GPC6: variants seen among roughly 807,000 people sequenced by gnomAD.
The protein encoded by GPC6 is glypican 6.
A neutral mutation model predicts 55.2 loss-of-function variants in GPC6; 14 were observed. The ratio of observed to expected loss-of-function variants is 0.25; its 90% CI spans 0.17 to 0.40. The LOEUF is 0.40. GPC6 is among the 10% of genes least tolerant of loss of function. The pLI, the probability that GPC6 is intolerant of heterozygous loss-of-function variation, is 1.00. For synonymous variants in GPC6, 278 were observed against 259.6 expected (o/e 1.07, Z -0.68); for missense variants, 641 against 708.5 (o/e 0.90, Z 1.08).
At chr13:93,585,130 G>T (rs1386867697) in intron 2 of GPC6, among the ~76,000 whole-genome samples, 1 of 152,198 alleles carries the variant, frequency 6.6e-6, no homozygotes, top group African/African-American at 2.4e-5. Context: ...ACATTTTCTT[G>T]TTGTGACAAC....
At chr13:93,651,160 C>A (rs1880391170) in intron 2 of GPC6, among the ~76,000 whole-genome samples, 1 of 151,920 alleles carries the variant, frequency 6.6e-6, no homozygotes, top group Admixed American at 6.6e-5. Flanking sequence ...AGATGAAATA[C>A]TTTAAAAATG....
chr13:94,212,437 ATAT>A (rs1384722026), intron 4 of GPC6, among the ~76,000 whole-genome samples: 1 of 152,142 alleles, frequency 6.6e-6, no homozygotes, highest in African/African-American at 2.4e-5. Context: ...CCACATACAA[ATAT>A]TATTATCATC....
chr13:93,402,283 C>A (rs924788478), intron 1 of GPC6, among the ~76,000 whole-genome samples: 8 of 152,132 alleles, frequency 5.3e-5, no homozygotes, highest in African/African-American at 1.7e-4. Flanking sequence ...CTAATTAATT[C>A]TCCAAGTGCC....
At chr13:93,399,249 G>C (rs980970447) in intron 1 of GPC6, among the ~76,000 whole-genome samples, 1 of 152,342 alleles carries the variant, frequency 6.6e-6, no homozygotes, top group Non-Finnish European at 1.5e-5. Context: ...AGAAGGGCTT[G>C]TGCATCTTCT....
At chr13:94,316,321 C>A (rs1029964117) in intron 6 of GPC6, among the ~76,000 whole-genome samples, 1 of 152,170 alleles carries the variant, frequency 6.6e-6, no homozygotes, top group African/African-American at 2.4e-5. Context: ...TGAGTTCAAT[C>A]ATCATTCAAC....
intron 1 of GPC6, among the ~76,000 whole-genome samples, chr13:93,296,247 A>T (rs1878492855): frequency 6.6e-6 from 1 of 152,280 alleles, no homozygotes; most frequent in Middle Eastern, 3.4e-3. Context: ...GATGTAGTCT[A>T]GTATATTCTA....
chr13:93,515,719 G>T (rs1287895833), intron 1 of GPC6, among the ~76,000 whole-genome samples: 1 of 152,102 alleles, frequency 6.6e-6, no homozygotes, highest in African/African-American at 2.4e-5. Flanking sequence ...ACTGACTAGT[G>T]ACGTATCATG....
intron 2 of GPC6, among the ~76,000 whole-genome samples, chr13:93,780,801 A>G (rs1285408201): frequency 2.6e-5 from 4 of 152,106 alleles, no homozygotes; most frequent in African/African-American, 9.7e-5. Flanking sequence ...CTTCATATTT[A>G]TGCTTCCTGT....
At chr13:93,839,407 G>T (rs762492761) in intron 3 of GPC6, among the ~76,000 whole-genome samples, 2 of 152,072 alleles carry the variant, frequency 1.3e-5, no homozygotes, top group Non-Finnish European at 2.9e-5. Context: ...TGCATGGTGA[G>T]GCTCCTATGT....
At chr13:93,326,630 T>G in intron 1 of GPC6, among the ~76,000 whole-genome samples, 1 of 152,206 alleles carries the variant, frequency 6.6e-6, no homozygotes, top group East Asian at 1.9e-4. Flanking sequence ...GGAAAATATT[T>G]CTTTATGTCA....
chr13:93,927,346 G>A (rs1877913590), intron 3 of GPC6, among the ~76,000 whole-genome samples: 1 of 152,110 alleles, frequency 6.6e-6, no homozygotes, highest in African/African-American at 2.4e-5. Flanking sequence ...TCATGGTCAG[G>A]AAGGACATAT....
intron 3 of GPC6, among the ~76,000 whole-genome samples, chr13:93,943,205 G>A (rs1471171456): frequency 6.6e-6 from 1 of 152,046 alleles, no homozygotes; most frequent in Non-Finnish European, 1.5e-5. Context: ...TCAATTCTAT[G>A]TACAGTATAC....
chr13:93,440,667 T>A (rs1371218210), intron 1 of GPC6, among the ~76,000 whole-genome samples: 1 of 146,974 alleles, frequency 6.8e-6, no homozygotes, highest in Admixed American at 7.0e-5. Flanking sequence ...AGCATGCAAG[T>A]CTTGCATTTA....
chr13:93,680,006 T>G (rs1334485665), intron 2 of GPC6, among the ~76,000 whole-genome samples: 2 of 152,046 alleles, frequency 1.3e-5, no homozygotes, highest in Admixed American at 1.3e-4. Context: ...CCCTCTCAGT[T>G]TGTGGATATG....
At chr13:93,888,226 A>G (rs1373125436) in intron 3 of GPC6, among the ~76,000 whole-genome samples, 1 of 152,162 alleles carries the variant, frequency 6.6e-6, no homozygotes, top group Non-Finnish European at 1.5e-5. Flanking sequence ...ATCAACTTCC[A>G]ATCATTTATA....
chr13:94,064,367 A>G (rs1427177139), intron 4 of GPC6, among the ~76,000 whole-genome samples: 2 of 152,090 alleles, frequency 1.3e-5, no homozygotes, highest in African/African-American at 4.8e-5. Context: ...TCCCATTTTC[A>G]TTTCAACACA....
chr13:94,118,195 A>G (rs1226432977), intron 4 of GPC6, among the ~76,000 whole-genome samples: 1 of 152,008 alleles, frequency 6.6e-6, no homozygotes, highest in Non-Finnish European at 1.5e-5. Flanking sequence ...CCAGTGGGAG[A>G]TAATGGAATC....
intron 2 of GPC6, among the ~76,000 whole-genome samples, chr13:93,678,673 A>G (rs1594365562): frequency 6.6e-6 from 1 of 152,048 alleles, no homozygotes; most frequent in Admixed American, 6.6e-5. Flanking sequence ...CATTCATCCC[A>G]CTCACCTACC....
At chr13:93,370,143 C>T (rs1357979070) in intron 1 of GPC6, among the ~76,000 whole-genome samples, 1 of 152,002 alleles carries the variant, frequency 6.6e-6, no homozygotes, top group Non-Finnish European at 1.5e-5. Flanking sequence ...AGACAGTTGT[C>T]ATCATACTGA....
Sources: allele counts gnomAD v4.1 joint callset (sites outside exome capture counted in the v4.1 genomes callset), GRCh38; gene constraint gnomAD v4.1.1; transcripts MANE v1.5; gene names NCBI Gene and HGNC (gene_info 2026-07-23, HGNC 2026-07-21).